Variants in TUSC3 observed in about 807,000 individuals in gnomAD.
TUSC3 encodes dolichyl-diphosphooligosaccharide--protein glycosyltransferase subunit TUSC3.
TUSC3 carries 45 observed loss-of-function variants against 44.8 expected under a neutral mutation model. That is an observed-to-expected ratio of 1.00 (90% CI 0.79 to 1.29). TUSC3 has a LOEUF of 1.29. TUSC3 is among the 50% of genes most tolerant of loss of function. TUSC3 has a pLI of 0.00. For missense variants in TUSC3, 519 were observed against 437.9 expected (o/e 1.19, Z -1.65); for synonymous variants, 212 against 152.9 (o/e 1.39, Z -2.85).
the TUSC3 span, among the ~76,000 whole-genome samples, chr8:15,788,413 G>A: frequency 1.3e-5 from 2 of 152,064 alleles, 1 homozygote; most frequent in Admixed American, 1.3e-4. Context: ...CGGGCTTGGT[G>A]GCAGGCACCT....
chr8:15,601,583 C>G (rs2079301968), intron 1 of TUSC3, among the ~76,000 whole-genome samples: 1 of 151,648 alleles, frequency 6.6e-6, no homozygotes, highest in African/African-American at 2.4e-5. Flanking sequence ...GGGTTACTTC[C>G]ATAATTATTT....
intron 1 of TUSC3, among the ~76,000 whole-genome samples, chr8:15,469,732 C>T (rs1800459907): frequency 1.3e-5 from 2 of 152,184 alleles, no homozygotes; most frequent in East Asian, 1.9e-4. Context: ...ATTTCCAATA[C>T]TTGGAAGAAC....
intron 7 of TUSC3, among the ~76,000 whole-genome samples, chr8:15,738,827 C>CTTTTTTTTTTTTTTT (rs375655033): frequency 1.0e-4 from 9 of 87,202 alleles, no homozygotes; most frequent in African/African-American, 3.4e-4. Flanking sequence ...ATATATCTTG[C>CTTTTTTTTTTTTTTT]TTTTTTTTTT....
chr8:15,476,241 A>G (rs1344721470), intron 1 of TUSC3, among the ~76,000 whole-genome samples: 1 of 152,226 alleles, frequency 6.6e-6, no homozygotes, highest in Non-Finnish European at 1.5e-5. Context: ...GAGTAGGATG[A>G]AAAAATAGCT....
At chr8:15,485,475 T>TA (rs1800721858) in intron 2 of TUSC3, among the ~76,000 whole-genome samples, 1 of 150,614 alleles carries the variant, frequency 6.6e-6, no homozygotes, top group Admixed American at 6.6e-5. Context: ...TTTTTTTTTT[T>TA]GTTTTTTGTG....
At chr8:15,778,228 T>C in the TUSC3 span, among the ~76,000 whole-genome samples, 12 of 152,158 alleles carry the variant, frequency 7.9e-5, no homozygotes, top group Non-Finnish European at 2.9e-5. Context: ...AAAGACCTGA[T>C]TTACTACACT....
chr8:15,733,675 T>G (rs1810816483), intron 7 of TUSC3: 1 of 155,204 alleles, frequency 6.4e-6, no homozygotes, highest in Non-Finnish European at 1.4e-5. Flanking sequence ...TTGCTTCATT[T>G]TTCCTGTGTT....
chr8:15,454,309 T>A (rs1402613495), intron 1 of TUSC3, among the ~76,000 whole-genome samples: 1 of 152,188 alleles, frequency 6.6e-6, no homozygotes, highest in Non-Finnish European at 1.5e-5. Context: ...TCACTCCTAC[T>A]GTAAAACCTG....
intron 9 of TUSC3, chr8:15,748,982 A>G: frequency 2.9e-6 from 1 of 346,190 alleles, no homozygotes; most frequent in Non-Finnish European, 5.6e-6. Flanking sequence ...TATATTGAAA[A>G]TTCAAAGGCC....
At chr8:15,500,233 C>G (rs1800941726) in intron 2 of TUSC3, among the ~76,000 whole-genome samples, 1 of 152,172 alleles carries the variant, frequency 6.6e-6, no homozygotes, top group African/African-American at 2.4e-5. Flanking sequence ...TGTATGTCAA[C>G]TGGGTATTCT....
At chr8:15,708,926 G>C (rs908728250) in intron 6 of TUSC3, among the ~76,000 whole-genome samples, 8 of 151,980 alleles carry the variant, frequency 5.3e-5, no homozygotes, top group Admixed American at 6.6e-5. Context: ...AGGGTTTCCT[G>C]AGTCTTATGT....
intron 6 of TUSC3, among the ~76,000 whole-genome samples, chr8:15,718,392 A>G (rs542306365): frequency 6.6e-6 from 1 of 152,270 alleles, no homozygotes; most frequent in East Asian, 1.9e-4. Context: ...AGTGCTGGAA[A>G]GATAAATTTG....
intron 1 of TUSC3, among the ~76,000 whole-genome samples, chr8:15,438,376 G>A (rs1339444055): frequency 5.3e-5 from 8 of 152,162 alleles, no homozygotes; most frequent in Admixed American, 1.3e-4. Context: ...GATTACAGGC[G>A]TGAGCCACCG....
At chr8:15,714,907 C>G (rs185674836) in intron 6 of TUSC3, among the ~76,000 whole-genome samples, 5 of 152,176 alleles carry the variant, frequency 3.3e-5, no homozygotes, top group Admixed American at 6.5e-5. Context: ...AGGATTTCTT[C>G]CTCTTTATAA....
At chr8:15,782,734 C>T in the TUSC3 span, among the ~76,000 whole-genome samples, 1 of 152,058 alleles carries the variant, frequency 6.6e-6, no homozygotes, top group East Asian at 1.9e-4. Context: ...AAAGAATGTT[C>T]CTCAACAAAA....
chr8:15,802,462 G>A, the TUSC3 span, among the ~76,000 whole-genome samples: 7 of 151,800 alleles, frequency 4.6e-5, no homozygotes, highest in Admixed American at 6.6e-5. Context: ...TTGCACTGTC[G>A]CCAGGCTGGA....
intron 3 of TUSC3, among the ~76,000 whole-genome samples, chr8:15,652,435 T>G (rs927368326): frequency 1.3e-5 from 2 of 152,196 alleles, no homozygotes; most frequent in Non-Finnish European, 2.9e-5. Flanking sequence ...TTTTGCCTTT[T>G]TAGGATATTT....
At chr8:15,565,544 A>G (rs1015102903) in intron 1 of TUSC3, among the ~76,000 whole-genome samples, 2 of 152,152 alleles carry the variant, frequency 1.3e-5, no homozygotes, top group East Asian at 3.9e-4. Flanking sequence ...CATACACTCC[A>G]GGTGTAGAAA....
chr8:15,492,220 C>T (rs761837633), intron 2 of TUSC3, among the ~76,000 whole-genome samples: 5 of 152,030 alleles, frequency 3.3e-5, no homozygotes, highest in African/African-American at 1.2e-4. Context: ...TACTTGGGTA[C>T]GTTAATAATA....
Sources: gnomAD v4.1 joint callset for allele counts (sites outside exome capture counted in the v4.1 genomes callset) on GRCh38, gnomAD v4.1.1 for gene constraint, MANE v1.5 for transcripts, NCBI Gene and HGNC (gene_info 2026-07-23, HGNC 2026-07-21) for gene names.